Variants in TAF3 observed in about 807,000 individuals in gnomAD.
The protein encoded by TAF3 is transcription initiation factor TFIID subunit 3.
TAF3 carries 7 observed loss-of-function variants against 80.6 expected under a neutral mutation model. The ratio of observed to expected loss-of-function variants is 0.09; its 90% confidence interval spans 0.05 to 0.16. The LOEUF (loss-of-function observed/expected upper bound fraction) is 0.16. TAF3 is among the 10% of genes least tolerant of loss of function. TAF3 has a pLI of 1.00. For missense variants in TAF3, 921 were observed against 1,140.2 expected (o/e 0.81, Z 2.77); for synonymous variants, 444 against 446.1 (o/e 1.00, Z 0.06).
chr10:7,939,048 T>C (rs908514804), intron 2 of TAF3, among the ~76,000 whole-genome samples: 1 of 152,062 alleles, frequency 6.6e-6, no homozygotes, highest in Non-Finnish European at 1.5e-5. Flanking sequence ...GCAGAGAAGA[T>C]TATGGGAAAC....
At position 7,965,276 on chromosome 10, in the gene TAF3, A is replaced by G; in HGVS notation, c.1766A>G (p.Lys589Arg). 1 of 1,608,004 alleles carries G rather than the reference A, an allele frequency of 6.2e-7. No homozygotes were observed. Among genetic ancestry groups the G allele is most frequent in the South Asian group, 1.1e-5 (1 of 88,862 alleles). The change falls in exon 3 of 7, where the codon AAG becomes AGG. Residue 589 changes from lysine to arginine, a missense_variant. By Grantham distance (26) the Lys-to-Arg change is conservative. This residue lies in a region of TAF3 where 743 missense variants were observed against 821.0 expected (regional missense o/e 0.90). Transcript: ENST00000344293. ...AAAGAGGAAGAGGCAGATCCCTACA[A>G]GTTTAAAATCAAAGAATTTGAAGAT... ...FLKEEEADPY[K>R]FKIKEFEDVD...
chr10:7,945,928 T>C (rs1207978750), intron 2 of TAF3, among the ~76,000 whole-genome samples: 1 of 152,240 alleles, frequency 6.6e-6, no homozygotes, highest in East Asian at 1.9e-4. Flanking sequence ...GTCTTTTGTT[T>C]GTTAACCTCC....
chr10:8,016,404 G>C lies in TAF3; in HGVS notation c.*1653G>C, dbSNP rs1426817518. ...AGTGGAAATGGAGTCGACCTCTTCG[G>C]AGCACAGGGTGTCATTGCCCTCGTT... is the stretch of plus-strand genomic sequence containing the variant. On this transcript the variant is annotated 3_prime_UTR_variant, in exon 7 of 7. Coordinates refer to ENST00000344293, the MANE Select transcript of TAF3 (RefSeq NM_031923.4). 2.6e-5 allele frequency: 4 copies of C among 152,128 alleles called. No individual in the cohort carries two copies. The highest frequency in any genetic ancestry group is 5.9e-5 in the Non-Finnish European group (4 of 68,028). 9.4% of individuals were successfully genotyped at this position (152,128 alleles called of 1,614,324 possible). A position where few individuals can be genotyped will look rare whatever the true frequency, so the allele number is the denominator to read the frequency against.
At chr10:7,846,539 C>A (rs1178912169) in intron 2 of TAF3, among the ~76,000 whole-genome samples, 3 of 152,070 alleles carry the variant, frequency 2.0e-5, no homozygotes, top group Admixed American at 1.3e-4. Context: ...ACAGTTTTAA[C>A]TATTACAGTT....
At chr10:7,898,545 C>CA (rs35137273) in intron 2 of TAF3, among the ~76,000 whole-genome samples, 5,472 of 95,842 alleles carry the variant, frequency 0.057, 270 homozygotes, top group African/African-American at 0.14. Context: ...GACTCTGTCT[C>CA]AAAAAAAAAA....
At chr10:7,822,221 G>A (rs541512093) in intron 1 of TAF3, among the ~76,000 whole-genome samples, 1 of 146,466 alleles carries the variant, frequency 6.8e-6, no homozygotes, top group East Asian at 2.0e-4. Flanking sequence ...AGAGAGAAAG[G>A]AAAAAAATCT....
chr10:7,860,450 TAC>T (rs1191000560), intron 2 of TAF3, among the ~76,000 whole-genome samples: 1 of 152,198 alleles, frequency 6.6e-6, no homozygotes, highest in East Asian at 1.9e-4. Context: ...AAGTAACCCC[TAC>T]ACTTTTAGTG....
chr10:7,961,180 G>T (rs1288224739), intron 2 of TAF3, among the ~76,000 whole-genome samples: 1 of 152,164 alleles, frequency 6.6e-6, no homozygotes, highest in Non-Finnish European at 1.5e-5. Context: ...GCACATGAAA[G>T]CAAACAGAGT....
At chr10:7,983,074 C>G (rs1831741414) in intron 4 of TAF3, among the ~76,000 whole-genome samples, 2 of 151,862 alleles carry the variant, frequency 1.3e-5, no homozygotes, top group Admixed American at 1.3e-4. Flanking sequence ...TGCAGGCTTG[C>G]CAAGTATCCT....
rs1248951911 is a variant in TAF3 at position 7,868,062 on chromosome 10, G to A, written c.409+43502G>A. Among the ~76,000 whole-genome samples the A allele has an allele frequency of 2.6e-5, 4 of 152,118 alleles. No individual in the cohort carries two copies. The East Asian group carries it at 7.7e-4, about 29-fold the overall frequency. On this transcript the variant is annotated intron_variant, in intron 2 of 6. Coordinates refer to ENST00000344293, the MANE Select transcript of TAF3 (RefSeq NM_031923.4). Reference sequence around the variant, plus strand: ...TTGATCCTTGTCATCTTCATGTTGAGTAGGCTGGTTGGGGGGTTGGTCTTG... The same window carrying A: ...TTGATCCTTGTCATCTTCATGTTGAATAGGCTGGTTGGGGGGTTGGTCTTG...
intron 2 of TAF3, among the ~76,000 whole-genome samples, chr10:7,845,093 C>T (rs992453354): frequency 6.6e-6 from 1 of 152,028 alleles, no homozygotes; most frequent in Non-Finnish European, 1.5e-5. Flanking sequence ...TTTACAGTGC[C>T]GTAATGAATG....
At chr10:7,920,959 G>C (rs1001516185) in intron 2 of TAF3, among the ~76,000 whole-genome samples, 1 of 152,250 alleles carries the variant, frequency 6.6e-6, no homozygotes, top group African/African-American at 2.4e-5. Context: ...TTTTCTTGAG[G>C]TGGTTAGGGG....
intron 2 of TAF3, among the ~76,000 whole-genome samples, chr10:7,894,614 T>C (rs926668164): frequency 2.0e-5 from 3 of 152,258 alleles, no homozygotes; most frequent in African/African-American, 7.2e-5. Context: ...TCTGTTCATT[T>C]TTTTAGCCAA....
chr10:7,889,757 T>C (rs1837441613), intron 2 of TAF3, among the ~76,000 whole-genome samples: 1 of 152,226 alleles, frequency 6.6e-6, no homozygotes, highest in African/African-American at 2.4e-5. Flanking sequence ...TCTTGTGTCT[T>C]GTTTCTTGTG....
In TAF3 at chr10:8,013,860, C is replaced by T. The variant is rs371297760; in HGVS notation, c.2675+23C>T. 1.1e-4 allele frequency: 172 copies of T among 1,594,142 alleles called. No individual in the cohort carries two copies. In the African/African-American group the frequency reaches 1.8e-3, roughly 17 times the overall value. On this transcript the variant is annotated intron_variant, in intron 6 of 6. Coordinates refer to ENST00000344293, the MANE Select transcript of TAF3 (RefSeq NM_031923.4). ...CTGGTGAGTGCCCAGGGCGCCCTGC[C>T]GGCCACACTCATTAGGCAGCATCAG... is the stretch of plus-strand genomic sequence containing the variant.
intron 5 of TAF3, among the ~76,000 whole-genome samples, chr10:8,012,028 T>G (rs1377006307): frequency 6.6e-6 from 1 of 151,944 alleles, no homozygotes; most frequent in African/African-American, 2.4e-5. Context: ...AATACAAAAA[T>G]TGGCTGGGCA....
chr10:7,967,541 C>T (rs2131414669), intron 3 of TAF3, among the ~76,000 whole-genome samples: 1 of 152,252 alleles, frequency 6.6e-6, no homozygotes, highest in East Asian at 1.9e-4. Flanking sequence ...GGCTATGGAG[C>T]AGGTACATGG....
At chr10:7,818,936 C>T (rs1836660057) in intron 1 of TAF3, 61 bp downstream of exon 1, 1 of 1,335,214 alleles carries the variant, frequency 7.5e-7, no homozygotes, top group East Asian at 3.1e-5. Context: ...CACCTTCGCT[C>T]TCCCTGTCCC....
intron 2 of TAF3, among the ~76,000 whole-genome samples, chr10:7,837,931 C>T (rs1347866523): frequency 6.6e-6 from 1 of 152,210 alleles, no homozygotes; most frequent in East Asian, 1.9e-4. Context: ...ATTTGCATGG[C>T]TTTCAGTTGC....
Sources: gnomAD v4.1 joint callset for allele counts (sites outside exome capture counted in the v4.1 genomes callset) on GRCh38, gnomAD v4.1.1 for gene constraint, gnomAD v4.1.1 regional missense constraint, MANE v1.5 for transcripts, NCBI Gene and HGNC (gene_info 2026-07-23, HGNC 2026-07-21) for gene names.